The following PHACTR4 variants were observed in gnomAD, a reference collection of about 807,000 sequenced individuals.
PHACTR4 encodes the protein phosphatase and actin regulator 4, also known as protein phosphatase 1, regulatory subunit 124.
PHACTR4 carries 51 observed loss-of-function variants against 72.7 expected under a neutral mutation model. The observed-to-expected ratio is 0.70, with a 90% CI of 0.56 to 0.89. The LOEUF (loss-of-function observed/expected upper bound fraction) is 0.89, where lower values mean the gene tolerates loss of function less well. Ranked by LOEUF, PHACTR4 falls within the 40% of genes least tolerant of loss-of-function variation. The probability of loss-of-function intolerance (pLI) is 0.00; values close to 1 mark genes in which losing one functional copy is unlikely to be tolerated. For missense variants in PHACTR4, 731 were observed against 861.8 expected, an observed-to-expected ratio of 0.85 and a Z score of 1.90; for synonymous variants, 255 against 302.5, an observed-to-expected ratio of 0.84 and a Z score of 1.63.
At chr1:28,426,991 G>A (rs1655909320) in intron 2 of PHACTR4, among the ~76,000 whole-genome samples, 1 of 152,136 alleles carries the variant, frequency 6.6e-6, no homozygotes. Context: ...CACCTAAAAT[G>A]TGGCTAGTAA....
At chr1:28,386,614 A>G (rs2124170001) in intron 1 of PHACTR4, among the ~76,000 whole-genome samples, 1 of 152,192 alleles carries the variant, frequency 6.6e-6, no homozygotes, top group African/African-American at 2.4e-5. Context: ...TATGTTGGGT[A>G]TATATATGTG....
At chr1:28,379,446 A>G (rs971929864) in intron 1 of PHACTR4, among the ~76,000 whole-genome samples, 2 of 135,980 alleles carry the variant, frequency 1.5e-5, no homozygotes, top group South Asian at 4.7e-4. Flanking sequence ...CTGATTTTTT[A>G]AAATTTTTGT....
Position 28,496,765 on chromosome 1 carries a change from T to C in PHACTR4, c.*216T>C. Reference sequence around the variant, plus strand: ...AACACTTTGTCAGTGCTTTTGAACCTTTCAATATTGTAGCATGCTTGAGGA... The same window carrying C: ...AACACTTTGTCAGTGCTTTTGAACCCTTCAATATTGTAGCATGCTTGAGGA... On this transcript the variant is annotated 3_prime_UTR_variant, in exon 14 of 14. Transcript: ENST00000373839. 1.6e-6 allele frequency: 1 copy of C among 607,244 alleles called. No homozygotes were observed. The highest frequency in any genetic ancestry group is 2.9e-6 in the Non-Finnish European group (1 of 342,484). 37.6% of individuals were successfully genotyped at this position (607,244 alleles called of 1,614,324 possible). A position where few individuals can be genotyped will look rare whatever the true frequency, so the allele number is the denominator to read the frequency against.
At chr1:28,433,462 C>CTTTTTTTTTTTTTTTTT (rs567134987) in intron 2 of PHACTR4, among the ~76,000 whole-genome samples, 2 of 130,532 alleles carry the variant, frequency 1.5e-5, no homozygotes, top group African/African-American at 2.9e-5. Flanking sequence ...TTCTTTTTTT[C>CTTTTTTTTTTTTTTTTT]TTTTTTTTTT....
intron 6 of PHACTR4, among the ~76,000 whole-genome samples, chr1:28,472,083 G>T (rs1659595920): frequency 6.6e-6 from 1 of 151,942 alleles, no homozygotes; most frequent in Non-Finnish European, 1.5e-5. Context: ...AGTGGTGGTG[G>T]GCGCCTGTAG....
chr1:28,381,588 G>A lies in PHACTR4; in HGVS notation c.-39+11763G>A, dbSNP rs566433244. 8.5e-5 allele frequency among the ~76,000 whole-genome samples: 13 copies of A among 152,176 alleles called. 1 individual carries two copies. The East Asian group carries it at 2.3e-3, about 27-fold the overall frequency. ...GCTGGGATTACAGGCATGAGCCACT[G>A]CGCCTGGCCTGGCCTATTTTTTTAC... On this transcript the variant is annotated intron_variant, in intron 1 of 13. Transcript: ENST00000373839.
chr1:28,425,012 C>G (rs982668565), intron 2 of PHACTR4, among the ~76,000 whole-genome samples: 6 of 152,046 alleles, frequency 3.9e-5, no homozygotes, highest in Non-Finnish European at 8.8e-5. Flanking sequence ...AGGCTGGTCT[C>G]GAACTCCTGA....
chr1:28,476,284 C>A lies in PHACTR4; in HGVS notation c.1599C>A (p.Ser533Arg). 6.3e-7 allele frequency: 1 copy of A among 1,593,600 alleles called. No individual in the cohort carries two copies. The change falls in exon 8 of 14, where the codon AGC (serine) becomes AGA (arginine). Residue 533 changes from serine (S) to arginine (R), a missense_variant. This residue lies in a region of PHACTR4 where 621 missense variants were observed against 676.6 expected (regional missense o/e 0.92). Coordinates refer to ENST00000373839, the MANE Select transcript of PHACTR4 (RefSeq NM_001048183.3). The part of the protein sequence containing the change: ...QYRDEEDEDE[S>R]YQSALANKVK... ...GAGATGAAGAAGATGAAGATGAAAG[C>A]TATCAGAGTAAGAAAGGGAGGGAAA... is the stretch of plus-strand genomic sequence containing the variant.
intron 2 of PHACTR4, among the ~76,000 whole-genome samples, chr1:28,436,030 G>T (rs1016010824): frequency 3.9e-5 from 6 of 152,058 alleles, no homozygotes; most frequent in Non-Finnish European, 7.4e-5. Context: ...GAATGTTTCT[G>T]TACTTTTTTC....
At chr1:28,445,211 C>G (rs1040488687) in intron 2 of PHACTR4, among the ~76,000 whole-genome samples, 5 of 152,082 alleles carry the variant, frequency 3.3e-5, no homozygotes, top group Non-Finnish European at 5.9e-5. Context: ...CCTCAGCCCC[C>G]CAAAGTGCTG....
chr1:28,491,921 A>G, intron 12 of PHACTR4, 134 bp downstream of exon 12: 1 of 1,180,088 alleles, frequency 8.5e-7, no homozygotes, highest in South Asian at 1.9e-5. Flanking sequence ...TTTCAAATCA[A>G]GATACAAAAT....
In PHACTR4 at chr1:28,395,231, G is replaced by A. The variant is rs978879941; in HGVS notation, c.-38-12179G>A. ...CCGGCTGGCCATCTTTTAAAAGTATGTTTTGTCTTTGAGGTTTCCTCAAAA... is the reference window on the plus strand; with the variant it reads ...CCGGCTGGCCATCTTTTAAAAGTATATTTTGTCTTTGAGGTTTCCTCAAAA... On this transcript the variant is annotated intron_variant, in intron 1 of 13. Coordinates refer to ENST00000373839, the MANE Select transcript of PHACTR4 (RefSeq NM_001048183.3). Among the ~76,000 whole-genome samples the A allele has an allele frequency of 2.7e-5, 4 of 147,042 alleles. 1 individual carries two copies. Among genetic ancestry groups the A allele is most frequent in the Non-Finnish European group, 4.5e-5 (3 of 67,172 alleles).
intron 2 of PHACTR4, among the ~76,000 whole-genome samples, chr1:28,419,314 T>A (rs1655346289): frequency 6.6e-6 from 1 of 152,000 alleles, no homozygotes. Flanking sequence ...ATGTCAAATC[T>A]ATAAATATAT....
chr1:28,384,942 C>G (rs1294488447), intron 1 of PHACTR4, among the ~76,000 whole-genome samples: 1 of 152,078 alleles, frequency 6.6e-6, no homozygotes, highest in African/African-American at 2.4e-5. Flanking sequence ...ACCCAAATCC[C>G]TCCTGGATTT....
At chr1:28,491,136 T>C in intron 11 of PHACTR4, 124 bp downstream of exon 11, 1 of 944,216 alleles carries the variant, frequency 1.1e-6, no homozygotes, top group Non-Finnish European at 1.6e-6. Flanking sequence ...TGGAAGGCCA[T>C]GGCAGGAGGA....
chr1:28,459,031 A>T, intron 2 of PHACTR4, 54 bp from the exon 3 acceptor site: 4 of 1,491,638 alleles, frequency 2.7e-6, no homozygotes, highest in East Asian at 4.6e-5. Context: ...CATTTTAGAG[A>T]TTATGCTGAA....
At chr1:28,413,445 A>T (rs1240580565) in intron 2 of PHACTR4, among the ~76,000 whole-genome samples, 1 of 152,014 alleles carries the variant, frequency 6.6e-6, no homozygotes, top group African/African-American at 2.4e-5. Context: ...TTCCTGTGTT[A>T]GCTCCTTTGT....
intron 2 of PHACTR4, chr1:28,438,217 G>T (rs1342819346): frequency 1.5e-6 from 2 of 1,369,638 alleles, no homozygotes; most frequent in Non-Finnish European, 9.4e-7. Context: ...GGCTGTATGG[G>T]AAACAGAAAC....
Position 28,474,587 on chromosome 1 carries a change from G to A in PHACTR4, c.1421+436G>A, listed in dbSNP as rs537905065. Among the ~76,000 whole-genome samples the A allele has an allele frequency of 1.8e-4, 27 of 151,606 alleles. No homozygotes were observed. In the South Asian group the frequency reaches 5.5e-3, roughly 31 times the overall value. On this transcript the variant is annotated intron_variant, in intron 7 of 13. Transcript: ENST00000373839. The stretch of plus-strand genomic sequence containing the variant: ...AGATGGAGTCCTGCTCTGTCACCCG[G>A]GCTGGAGTGCAGTGGCACGATCTCC...
Sources: gnomAD v4.1 joint callset for allele counts (sites outside exome capture counted in the v4.1 genomes callset) on GRCh38, gnomAD v4.1.1 for gene constraint, gnomAD v4.1.1 regional missense constraint, MANE v1.5 for transcripts, NCBI Gene and HGNC (gene_info 2026-07-23, HGNC 2026-07-21) for gene names.